WDR7: variants seen among roughly 807,000 people sequenced by gnomAD.
WDR7 encodes the protein WD repeat domain 7, also known as WD repeat-containing protein 7.
WDR7 carries 46 observed loss-of-function variants against 169.4 expected under a neutral mutation model. The ratio of observed to expected loss-of-function variants is 0.27; its 90% CI spans 0.21 to 0.35. WDR7 has a LOEUF of 0.35. Ranked by LOEUF, WDR7 falls within the 10% of genes least tolerant of loss-of-function variation. The probability of loss-of-function intolerance (pLI) is 1.00; values close to 1 mark genes in which losing one functional copy is unlikely to be tolerated. For synonymous variants in WDR7, 612 were observed against 666.8 expected (o/e 0.92, Z 1.27); for missense variants, 1,534 against 1,859.3 (o/e 0.83, Z 3.22).
intron 20 of WDR7, among the ~76,000 whole-genome samples, chr18:56,864,896 GAAAGA>G (rs140133451): frequency 0.039 from 5,960 of 151,926 alleles, 141 homozygotes; most frequent in Middle Eastern, 0.075. Flanking sequence ...TCAATGAGAA[GAAAGA>G]CACTGGGTTT....
At chr18:56,758,793 T>G in intron 15 of WDR7, 72 bp from the exon 16 acceptor site, 1 of 1,215,338 alleles carries the variant, frequency 8.2e-7, no homozygotes. Flanking sequence ...AGTAGAAAAT[T>G]TTTTATTTTA....
chr18:56,979,336 G>A lies in WDR7; in HGVS notation c.4164+16807G>A, dbSNP rs1657413. Among the ~76,000 whole-genome samples, 764 of 152,208 alleles carry A rather than the reference G, an allele frequency of 5.0e-3. 7 individuals are homozygous for A. The highest frequency in any genetic ancestry group is 0.018 in the African/African-American group (731 of 41,510). ...CCCTAGATTTCTGTGTTATATTTGA[G>A]AATTTTCCTGTGACATTATGCTAAA... On this transcript the variant is annotated intron_variant, in intron 26 of 27. Transcript: ENST00000254442.
chr18:56,999,969 G>C (rs2047952768), intron 26 of WDR7, among the ~76,000 whole-genome samples: 1 of 152,176 alleles, frequency 6.6e-6, no homozygotes, highest in African/African-American at 2.4e-5. Flanking sequence ...ATTTGAGGCA[G>C]AATTCTCTGT....
intron 20 of WDR7, among the ~76,000 whole-genome samples, chr18:56,844,162 AT>A (rs79337426): frequency 0.21 from 29,875 of 145,080 alleles, 3,151 homozygotes; most frequent in African/African-American, 0.28. Context: ...CACTCAATCT[AT>A]TTTTTTTTTT....
intron 22 of WDR7, among the ~76,000 whole-genome samples, chr18:56,930,812 TTA>T (rs1156307032): frequency 6.6e-6 from 1 of 152,208 alleles, no homozygotes; most frequent in Non-Finnish European, 1.5e-5. Context: ...CAATGAAAGT[TTA>T]TATGTCTCCT....
intron 20 of WDR7, among the ~76,000 whole-genome samples, chr18:56,836,012 T>C (rs558055614): frequency 6.6e-6 from 1 of 152,336 alleles, no homozygotes; most frequent in East Asian, 1.9e-4. Flanking sequence ...ATGCTTTCTT[T>C]AAAGCTTTAT....
chr18:56,792,822 A>G (rs1398437716), intron 19 of WDR7, among the ~76,000 whole-genome samples: 1 of 151,956 alleles, frequency 6.6e-6, no homozygotes, highest in East Asian at 1.9e-4. Flanking sequence ...CTACACTATG[A>G]CACAGGGCAG....
In WDR7 at chr18:56,814,207, A is replaced by G. The variant is rs565588044; in HGVS notation, c.3191-1824A>G. On this transcript the variant is annotated intron_variant, in intron 19 of 27. Transcript: ENST00000254442. Reference sequence around the variant, plus strand: ...AATGGATCCATAAACTTGTTACTACATAAATGCCAGCTTTATTTTCATTGA... The same window carrying G: ...AATGGATCCATAAACTTGTTACTACGTAAATGCCAGCTTTATTTTCATTGA... Among the ~76,000 whole-genome samples, 3 of 152,306 alleles carry G rather than the reference A, an allele frequency of 2.0e-5. No individual in the cohort carries two copies. In the East Asian group the frequency reaches 5.8e-4, roughly 29 times the overall value.
At chr18:56,716,795 C>T (rs1008463320) in intron 12 of WDR7, among the ~76,000 whole-genome samples, 42 of 152,184 alleles carry the variant, frequency 2.8e-4, no homozygotes, top group African/African-American at 9.6e-4. Context: ...TCACAGCATT[C>T]TAAAGGTTCT....
At chr18:56,739,749 A>G (rs919069387) in intron 14 of WDR7, among the ~76,000 whole-genome samples, 2 of 150,312 alleles carry the variant, frequency 1.3e-5, no homozygotes, top group Non-Finnish European at 3.0e-5. Context: ...TCTCATTTCC[A>G]TCTTTTTTTG....
chr18:56,793,303 G>T (rs1164393904), intron 19 of WDR7, among the ~76,000 whole-genome samples: 1 of 152,130 alleles, frequency 6.6e-6, no homozygotes, highest in Non-Finnish European at 1.5e-5. Context: ...TATAATATGA[G>T]TGCAGATTCA....
intron 21 of WDR7, among the ~76,000 whole-genome samples, chr18:56,883,496 C>CTTGT (rs1224213455): frequency 1.4e-5 from 2 of 147,538 alleles, no homozygotes; most frequent in Admixed American, 1.3e-4. Flanking sequence ...ATCTCTCAGT[C>CTTGT]TTGTTTTTTT....
intron 21 of WDR7, among the ~76,000 whole-genome samples, chr18:56,922,308 AACACAGTTTCTACCCTCAAGGAGC>A (rs2046737886): frequency 6.6e-6 from 1 of 152,084 alleles, no homozygotes; most frequent in African/African-American, 2.4e-5. Context: ...AGTTATGTGA[AACACAGTTTCTACCCTCAAGGAGC>A]TGACAGACTT....
At chr18:56,700,227 A>C (rs1010269456) in intron 12 of WDR7, among the ~76,000 whole-genome samples, 2 of 150,550 alleles carry the variant, frequency 1.3e-5, no homozygotes, top group Non-Finnish European at 3.0e-5. Flanking sequence ...TTCATTTTTT[A>C]AAGATACTGT....
intron 22 of WDR7, among the ~76,000 whole-genome samples, chr18:56,930,838 T>G (rs2046874557): frequency 6.6e-6 from 1 of 152,224 alleles, no homozygotes; most frequent in Admixed American, 6.5e-5. Flanking sequence ...CCGGCCCCCC[T>G]GGAATATTCT....
intron 20 of WDR7, among the ~76,000 whole-genome samples, chr18:56,862,505 G>C (rs1193085864): frequency 6.6e-6 from 1 of 151,336 alleles, no homozygotes. Flanking sequence ...AGAAATATTT[G>C]AAATGTGATA....
chr18:56,722,929 C>G (rs911780909), intron 13 of WDR7, among the ~76,000 whole-genome samples: 4 of 152,030 alleles, frequency 2.6e-5, no homozygotes, highest in African/African-American at 9.7e-5. Flanking sequence ...TTTACTCTGC[C>G]GGGAAATTAA....
intron 19 of WDR7, among the ~76,000 whole-genome samples, chr18:56,792,586 G>A (rs1599047439): frequency 6.8e-6 from 1 of 146,840 alleles, no homozygotes; most frequent in South Asian, 2.2e-4. Flanking sequence ...CCAATAAAAA[G>A]TATTTCTTTA....
At chr18:56,982,268 C>T (rs1432247670) in intron 26 of WDR7, among the ~76,000 whole-genome samples, 1 of 152,184 alleles carries the variant, frequency 6.6e-6, no homozygotes, top group African/African-American at 2.4e-5. Context: ...AGGCACCCAG[C>T]TTCTGAATAT....
Sources: gnomAD v4.1 joint callset for allele counts (sites outside exome capture counted in the v4.1 genomes callset) on GRCh38, gnomAD v4.1.1 for gene constraint, MANE v1.5 for transcripts, NCBI Gene and HGNC (gene_info 2026-07-23, HGNC 2026-07-21) for gene names.